The following POU6F2 variants were observed in gnomAD, a reference collection of about 807,000 sequenced individuals.
The protein encoded by POU6F2 is POU class 6 homeobox 2.
Under a neutral mutation model 71.3 loss-of-function variants are expected in POU6F2, and 31 were observed. The ratio of observed to expected loss-of-function variants is 0.43; its 90% CI spans 0.33 to 0.59. The LOEUF (loss-of-function observed/expected upper bound fraction) is 0.59, where lower values mean the gene tolerates loss of function less well. POU6F2 is among the 20% of genes least tolerant of loss of function. POU6F2 has a pLI of 0.04. For missense variants in POU6F2, 783 were observed against 856.8 expected (o/e 0.91, Z 1.07); for synonymous variants, 347 against 355.7 (o/e 0.98, Z 0.27).
Position 39,006,914 on chromosome 7 carries a change from A to C in POU6F2, c.105+28856A>C, listed in dbSNP as rs773483859. ...ATGCCTACCAATAGGAAATTTCCAC[A>C]AATTTATAATCTGTGAGTTTATTGT... On this transcript the variant is annotated intron_variant, in intron 1 of 9. Transcript: ENST00000518318. The C allele has an allele frequency of 5.7e-6, 9 of 1,569,630 alleles. No homozygotes were observed. In the South Asian group the frequency reaches 1.0e-4, roughly 17 times the overall value.
At chr7:39,072,656 G>C (rs1420294842) in intron 1 of POU6F2, among the ~76,000 whole-genome samples, 1 of 152,202 alleles carries the variant, frequency 6.6e-6, no homozygotes, top group Non-Finnish European at 1.5e-5. Context: ...TGCTTCATCT[G>C]TTCCATCCAG....
intron 2 of POU6F2, among the ~76,000 whole-genome samples, chr7:39,190,494 T>C (rs182305958): frequency 1.3e-5 from 2 of 148,428 alleles, no homozygotes; most frequent in East Asian, 4.0e-4. Context: ...TCTAATATTC[T>C]AATATCATAG....
At chr7:39,434,821 C>T (rs1788197046) in intron 7 of POU6F2, among the ~76,000 whole-genome samples, 1 of 152,090 alleles carries the variant, frequency 6.6e-6, no homozygotes, top group Non-Finnish European at 1.5e-5. Flanking sequence ...GTGTGTTGTT[C>T]CCCTCTCTGT....
intron 1 of POU6F2, among the ~76,000 whole-genome samples, chr7:39,070,641 C>T (rs13242209): frequency 0.31 from 46,736 of 151,750 alleles, 7,763 homozygotes; most frequent in East Asian, 0.72. Flanking sequence ...AGGCCTCCAG[C>T]GCAGGGCCTT....
intron 4 of POU6F2, among the ~76,000 whole-genome samples, chr7:39,316,328 TCTAACA>T (rs1161515470): frequency 4.6e-5 from 7 of 152,156 alleles, no homozygotes; most frequent in East Asian, 3.9e-4. Flanking sequence ...CTTTTTTAAC[TCTAACA>T]CTAACAAAGT....
intron 1 of POU6F2, among the ~76,000 whole-genome samples, chr7:39,025,112 T>C (rs1041977971): frequency 2.6e-5 from 4 of 152,164 alleles, no homozygotes; most frequent in African/African-American, 9.7e-5. Flanking sequence ...CTGGTAGAAT[T>C]TGGCTGTGAA....
At chr7:39,110,574 T>C (rs1373093188) in intron 2 of POU6F2, among the ~76,000 whole-genome samples, 1 of 152,160 alleles carries the variant, frequency 6.6e-6, no homozygotes. Context: ...TATTGTTTGG[T>C]TGATTGTCTA....
At chr7:39,089,562 A>G (rs1791321352) in intron 2 of POU6F2, among the ~76,000 whole-genome samples, 1 of 152,190 alleles carries the variant, frequency 6.6e-6, no homozygotes, top group Non-Finnish European at 1.5e-5. Context: ...GTGTTTCTCT[A>G]GTGACATTTA....
At chr7:39,180,247 CG>C (rs1793411297) in intron 2 of POU6F2, among the ~76,000 whole-genome samples, 2 of 152,182 alleles carry the variant, frequency 1.3e-5, no homozygotes, top group South Asian at 4.2e-4. Flanking sequence ...GCTTTCTCAG[CG>C]GAGGGTCTAT....
intron 2 of POU6F2, among the ~76,000 whole-genome samples, chr7:39,104,647 C>G (rs1315685073): frequency 6.6e-6 from 1 of 152,214 alleles, no homozygotes; most frequent in African/African-American, 2.4e-5. Context: ...ATTTCCACCA[C>G]TGTCTACTTA....
intron 4 of POU6F2, among the ~76,000 whole-genome samples, chr7:39,289,162 G>A (rs1784702237): frequency 6.6e-6 from 1 of 152,116 alleles, no homozygotes; most frequent in Non-Finnish European, 1.5e-5. Context: ...AGCTGCCTCT[G>A]GAAGGCATCA....
At chr7:39,419,107 A>G (rs1787780474) in intron 6 of POU6F2, among the ~76,000 whole-genome samples, 1 of 73,522 alleles carries the variant, frequency 1.4e-5, no homozygotes, top group Non-Finnish European at 2.7e-5. Context: ...ATATACACAT[A>G]TATACGTATA....
intron 4 of POU6F2, among the ~76,000 whole-genome samples, chr7:39,256,390 G>T (rs889323919): frequency 6.6e-6 from 1 of 152,090 alleles, no homozygotes; most frequent in Non-Finnish European, 1.5e-5. Context: ...GGGAAAAAGA[G>T]GGACAGTACT....
intron 2 of POU6F2, among the ~76,000 whole-genome samples, chr7:39,103,301 G>T (rs11761599): frequency 6.6e-6 from 1 of 152,088 alleles, no homozygotes; most frequent in Non-Finnish European, 1.5e-5. Flanking sequence ...TGGTAGCATC[G>T]CCTGTTGTAG....
At chr7:39,163,228 A>T (rs1235091354) in intron 2 of POU6F2, among the ~76,000 whole-genome samples, 1 of 152,244 alleles carries the variant, frequency 6.6e-6, no homozygotes, top group Non-Finnish European at 1.5e-5. Flanking sequence ...ATCTCCCAAG[A>T]ATCATATCTA....
intron 1 of POU6F2, among the ~76,000 whole-genome samples, chr7:39,047,694 A>C (rs1390477046): frequency 6.6e-6 from 1 of 151,634 alleles, no homozygotes; most frequent in East Asian, 1.9e-4. Flanking sequence ...GATGCACTTA[A>C]TATTTTTTCT....
intron 1 of POU6F2, among the ~76,000 whole-genome samples, chr7:39,072,601 G>A (rs910860738): frequency 6.6e-6 from 1 of 152,146 alleles, no homozygotes; most frequent in Non-Finnish European, 1.5e-5. Flanking sequence ...AGGATATTAA[G>A]TCAGCAATTC....
intron 2 of POU6F2, among the ~76,000 whole-genome samples, chr7:39,141,605 A>G (rs1792503521): frequency 6.6e-6 from 1 of 152,258 alleles, no homozygotes; most frequent in Non-Finnish European, 1.5e-5. Context: ...ACTTATCTAT[A>G]GTTCCAAAAG....
Position 39,339,927 on chromosome 7 carries a change from C to T in POU6F2, c.884C>T (p.Thr295Ile). The change falls in exon 5 of 10, where the codon ACC becomes ATC. Residue 295 changes from threonine to isoleucine, a missense_variant. Thr to Ile is a moderately conservative substitution (Grantham distance 89). Around this residue, in one of 2 missense-constraint regions of POU6F2, gnomAD observed 572 missense variants for 572.9 expected, o/e 1.00. Transcript: ENST00000518318. ...CAGAACCAGAACCAACCATCTCCAA[C>T]CCAGCAGAGCTCCAGCCCCCCGCAG... Reference protein sequence around the residue: ...HSQNQNQPSPTQQSSSPPQKP... With the variant: ...HSQNQNQPSPIQQSSSPPQKP... The T allele has an allele frequency of 1.2e-6, 2 of 1,614,008 alleles. No homozygotes were observed. The highest frequency in any genetic ancestry group is 1.1e-5 in the South Asian group (1 of 91,078).
Sources: allele counts gnomAD v4.1 joint callset (sites outside exome capture counted in the v4.1 genomes callset), GRCh38; gene constraint gnomAD v4.1.1; regional missense constraint gnomAD v4.1.1; transcripts MANE v1.5; gene names NCBI Gene and HGNC (gene_info 2026-07-23, HGNC 2026-07-21).